The following PITPNC1 variants were observed in gnomAD, a reference collection of about 807,000 sequenced individuals.
The protein encoded by PITPNC1 is cytoplasmic phosphatidylinositol transfer protein 1.
A neutral mutation model predicts 44.7 loss-of-function variants in PITPNC1; 18 were observed. The observed-to-expected ratio is 0.40, with a 90% CI of 0.28 to 0.60. The LOEUF is 0.60. Ranked by LOEUF, PITPNC1 falls within the 20% of genes least tolerant of loss-of-function variation. PITPNC1 has a pLI of 0.39. For synonymous variants in PITPNC1, 141 were observed against 149.6 expected (o/e 0.94, Z 0.42); for missense variants, 290 against 418.4 (o/e 0.69, Z 2.68).
intron 1 of PITPNC1, among the ~76,000 whole-genome samples, chr17:67,437,449 A>T (rs1254603374): frequency 2.6e-5 from 4 of 152,058 alleles, no homozygotes. Context: ...GCAAGGACAG[A>T]TTTCCTCCAG....
Position 67,669,492 on chromosome 17 carries a change from A to ATTT in PITPNC1, c.463-7_463-5dup. On this transcript the variant is annotated splice_polypyrimidine_tract_variant and intron_variant, in intron 6 of 8. Coordinates refer to ENST00000581322, the MANE Select transcript of PITPNC1 (RefSeq NM_012417.4). Reference sequence around the variant, plus strand: ...AACTTTTAATATATCAATTTCTTTGATTTTTTTTTTTCTAGGATCCTAAGC... The same window carrying ATTT: ...AACTTTTAATATATCAATTTCTTTGATTTTTTTTTTTTTTCTAGGATCCTAAGC... 2 of 1,327,746 alleles carry ATTT rather than the reference A, an allele frequency of 1.5e-6. No homozygotes were observed. The highest frequency in any genetic ancestry group is 1.0e-6 in the Non-Finnish European group (1 of 975,284). The allele number at this position is 1,327,746 out of a possible 1,614,324, so 82.2% of individuals were successfully genotyped here.
chr17:67,643,398 A>T (rs11656988), intron 6 of PITPNC1, among the ~76,000 whole-genome samples: 7,555 of 152,200 alleles, frequency 0.05, 209 homozygotes, highest in Middle Eastern at 0.088. Context: ...AAAAGAAAGA[A>T]AGAAAGAACC....
At chr17:67,655,006 C>T (rs1469013060) in intron 6 of PITPNC1, among the ~76,000 whole-genome samples, 1 of 152,186 alleles carries the variant, frequency 6.6e-6, no homozygotes, top group Non-Finnish European at 1.5e-5. Flanking sequence ...GAATTTCAGA[C>T]AGAATGTCCT....
Position 67,572,470 on chromosome 17 carries a change from G to A in PITPNC1, c.295-5716G>A, listed in dbSNP as rs1034782339. Among the ~76,000 whole-genome samples, 141 of 67,658 alleles carry A rather than the reference G, an allele frequency of 2.1e-3. 3 individuals carry two copies. Among genetic ancestry groups the A allele is most frequent in the African/African-American group, 8.3e-3 (127 of 15,264 alleles). 44.4% of individuals were successfully genotyped at this position (67,658 alleles called of 152,430 possible). A position where few individuals can be genotyped will look rare whatever the true frequency, so the allele number is the denominator to read the frequency against. On this transcript the variant is annotated intron_variant, in intron 4 of 8. Coordinates refer to ENST00000581322, the MANE Select transcript of PITPNC1 (RefSeq NM_012417.4). ...ACACCTGAAGAAGCTGGGTAAAGCGGGGGGGGGGGGTAAAGAAGAAGGGGG... is the reference window on the plus strand; with the variant it reads ...ACACCTGAAGAAGCTGGGTAAAGCGAGGGGGGGGGGTAAAGAAGAAGGGGG...
At chr17:67,389,439 C>T (rs1376110700) in intron 1 of PITPNC1, among the ~76,000 whole-genome samples, 1 of 152,194 alleles carries the variant, frequency 6.6e-6, no homozygotes, top group Non-Finnish European at 1.5e-5. Flanking sequence ...ATGAAAACAT[C>T]CATTCACAGA....
rs1431811037 is a variant in PITPNC1 at position 67,508,670 on chromosome 17, C to A, written c.49-24132C>A. ...TATTCAAGATGGAGTTGCTCTGGTTCAAATGCCTCTGACAAAAAGACAAAT... is the reference window on the plus strand; with the variant it reads ...TATTCAAGATGGAGTTGCTCTGGTTAAAATGCCTCTGACAAAAAGACAAAT... On this transcript the variant is annotated intron_variant, in intron 1 of 8. Transcript: ENST00000581322. This position sits in a 1 kb window ranked among gnomAD's most constrained non-coding sequence, Gnocchi z 4.2. Among the ~76,000 whole-genome samples the A allele has an allele frequency of 6.6e-6, 1 of 152,148 alleles. No homozygotes were observed. The highest frequency in any genetic ancestry group is 1.5e-5 in the Non-Finnish European group (1 of 68,034).
chr17:67,383,867 G>A (rs1341547102), intron 1 of PITPNC1, among the ~76,000 whole-genome samples: 3 of 151,846 alleles, frequency 2.0e-5, no homozygotes, highest in Non-Finnish European at 4.4e-5. Context: ...GAGAAACCCC[G>A]TCTCTACTAA....
At position 67,438,906 on chromosome 17, in the gene PITPNC1, C is replaced by T. The variant is rs538252097; in HGVS notation, c.48+60704C>T. Among the ~76,000 whole-genome samples the T allele has an allele frequency of 4.6e-5, 7 of 152,332 alleles. No homozygotes were observed. The South Asian group carries it at 1.2e-3, about 27-fold the overall frequency. The stretch of plus-strand genomic sequence containing the variant: ...TCCTGCCAGAGATCCACCTGCTTTG[C>T]TCCCATCCGTTTCCCTTGGCCTGTC... On this transcript the variant is annotated intron_variant, in intron 1 of 8. Transcript: ENST00000581322.
intron 5 of PITPNC1, among the ~76,000 whole-genome samples, chr17:67,631,643 A>ATAT (rs1158917120): frequency 2.7e-3 from 22 of 8,242 alleles, no homozygotes; most frequent in East Asian, 0.014. Flanking sequence ...ACCAAAAAAA[A>ATAT]AAAAAAAAAA....
chr17:67,662,059 A>C (rs1198820944), intron 6 of PITPNC1, among the ~76,000 whole-genome samples: 3 of 152,104 alleles, frequency 2.0e-5, no homozygotes, highest in Non-Finnish European at 2.9e-5. Context: ...GAGCCAGTAC[A>C]TGCCCTGAAA....
intron 5 of PITPNC1, among the ~76,000 whole-genome samples, chr17:67,605,648 TC>T (rs1488726656): frequency 6.6e-6 from 1 of 152,182 alleles, no homozygotes; most frequent in Non-Finnish European, 1.5e-5. Flanking sequence ...TGTGGGCTGT[TC>T]CTGGGAATCA....
chr17:67,506,856 G>A (rs921493599), intron 1 of PITPNC1, among the ~76,000 whole-genome samples: 2 of 151,954 alleles, frequency 1.3e-5, no homozygotes, highest in East Asian at 1.9e-4. Context: ...AATTTTCATC[G>A]TATCTAAAAA....
At chr17:67,527,087 A>C (rs961811253) in intron 1 of PITPNC1, among the ~76,000 whole-genome samples, 3 of 152,340 alleles carry the variant, frequency 2.0e-5, no homozygotes, top group African/African-American at 7.2e-5. Flanking sequence ...ACCATTCCTT[A>C]CATGTGCACA....
intron 7 of PITPNC1, among the ~76,000 whole-genome samples, chr17:67,674,501 CAA>C (rs66932178): frequency 2.7e-5 from 3 of 111,598 alleles, no homozygotes; most frequent in African/African-American, 1.1e-4. Flanking sequence ...AAGACTGTCT[CAA>C]AAAAAAAAAA....
At position 67,695,643 on chromosome 17, in the gene PITPNC1, T is replaced by C. The variant is rs1199247666; in HGVS notation, c.*2755T>C. The C allele has an allele frequency of 2.7e-5, 4 of 148,450 alleles. No homozygotes were observed. In the East Asian group the frequency reaches 5.8e-4, roughly 22 times the overall value. The allele number at this position is 148,450 out of a possible 1,614,324, so 9.2% of individuals were successfully genotyped here. On this transcript the variant is annotated 3_prime_UTR_variant, in exon 9 of 9. Coordinates refer to ENST00000581322, the MANE Select transcript of PITPNC1 (RefSeq NM_012417.4). ...ATATATATATATATAAATATAAATA[T>C]AGTATAGTGAATCAGACACCATCAG...
rs75613080 is a variant in PITPNC1 at position 67,680,339 on chromosome 17, C to G, written c.682+4797C>G. Among the ~76,000 whole-genome samples, 298 of 152,284 alleles carry G rather than the reference C, an allele frequency of 2.0e-3. 4 individuals are homozygous for G. The East Asian group carries it at 0.043, about 22-fold the overall frequency. Reference sequence around the variant, plus strand: ...TATAAGGCTGGCACGGTGGCTCACACCTGTAACCCCAGCACTTTGGGAGGC... The same window carrying G: ...TATAAGGCTGGCACGGTGGCTCACAGCTGTAACCCCAGCACTTTGGGAGGC... On this transcript the variant is annotated intron_variant, in intron 8 of 8. Coordinates refer to ENST00000581322, the MANE Select transcript of PITPNC1 (RefSeq NM_012417.4).
chr17:67,652,876 C>T (rs1317524626), intron 6 of PITPNC1, among the ~76,000 whole-genome samples: 1 of 152,224 alleles, frequency 6.6e-6, no homozygotes, highest in African/African-American at 2.4e-5. Flanking sequence ...GGTTGACGTC[C>T]TAACCCCCAG....
chr17:67,576,457 C>A (rs2041151471), intron 4 of PITPNC1, among the ~76,000 whole-genome samples: 1 of 152,272 alleles, frequency 6.6e-6, no homozygotes, highest in Admixed American at 6.5e-5. Context: ...TATGTGAGTA[C>A]TGGAATCATG....
intron 1 of PITPNC1, chr17:67,524,748 C>CTTTTTTTTTT (rs1000220869): frequency 1.5e-4 from 1 of 6,650 alleles, no homozygotes; most frequent in Non-Finnish European, 2.4e-4. Flanking sequence ...TGAAGGTTTT[C>CTTTTTTTTTT]TTTTTTTTTT....
Sources: allele counts gnomAD v4.1 joint callset (sites outside exome capture counted in the v4.1 genomes callset), GRCh38; gene constraint gnomAD v4.1.1; non-coding constraint Gnocchi (gnomAD v3.1); transcripts MANE v1.5; gene names NCBI Gene and HGNC (gene_info 2026-07-23, HGNC 2026-07-21).